The following CA11 variants were observed in gnomAD, a reference collection of about 807,000 sequenced individuals.
The protein encoded by CA11 is carbonic anhydrase-related protein 11.
In CA11, 20 loss-of-function variants were observed where a neutral mutation model predicts 39.3. The ratio of observed to expected loss-of-function variants is 0.51; its 90% CI spans 0.36 to 0.74. The LOEUF is 0.74. CA11 is among the 30% of genes least tolerant of loss of function. CA11 has a pLI of 0.00. For missense variants in CA11, 336 were observed against 424.6 expected, an observed-to-expected ratio of 0.79 and a Z score of 1.83; for synonymous variants, 166 against 172.5, an observed-to-expected ratio of 0.96 and a Z score of 0.29.
chr19:48,644,210 G>C (rs2031174563), intron 3 of CA11, among the ~76,000 whole-genome samples: 1 of 152,142 alleles, frequency 6.6e-6, no homozygotes, highest in African/African-American at 2.4e-5. Context: ...GAAATGTTCT[G>C]CTTTTCATTG....
At position 48,640,142 on chromosome 19, in the gene CA11, C is replaced by T. The variant is rs1273129062; in HGVS notation, c.424G>A (p.Gly142Arg). 5.0e-6 allele frequency: 8 copies of T among 1,613,996 alleles called. No individual in the cohort carries two copies. The South Asian group carries it at 7.7e-5, about 16-fold the overall frequency. ...ELRLLFGARD[G>R]AGSEHQINHQ... ...TTGATCTGATGTTCCGAGCCGGCTC[C>T]GTCGCGAGCTCCAAACAGCAGCCGC... is the stretch of plus-strand genomic sequence containing the variant. Residue 142 changes from glycine to arginine, a missense_variant, in exon 4 of 9, where the codon GGA becomes AGA. Gly to Arg is a moderately radical substitution (Grantham distance 125, BLOSUM62 -2). Transcript: ENST00000084798.
At chr19:48,645,312 G>A (rs551658222) in intron 2 of CA11, 91 bp downstream of exon 2, 84 of 1,142,258 alleles carry the variant, frequency 7.4e-5, no homozygotes, top group African/African-American at 6.1e-5. Context: ...CTGGTCCTGG[G>A]GGGGAGGAGG....
intron 2 of CA11, among the ~76,000 whole-genome samples, chr19:48,644,908 T>G (rs1367403390): frequency 6.6e-6 from 1 of 152,142 alleles, no homozygotes; most frequent in African/African-American, 2.4e-5. Context: ...CAAACCCATC[T>G]TAAGCCACTG....
chr19:48,639,591 G>T lies in CA11; in HGVS notation c.598C>A (p.Arg200Ser). 6.2e-7 allele frequency: 1 copy of T among 1,613,930 alleles called. No individual in the cohort carries two copies. The highest frequency in any genetic ancestry group is 1.1e-5 in the South Asian group (1 of 91,038). ...VASTSNPFLSRLLNRDTITRI... is the reference protein window; with the variant it reads ...VASTSNPFLSSLLNRDTITRI... ...GTGATGGTGTCGCGGTTAAGGAGGCGACTGAGGAATGGGTTAGAGGTACTG... is the reference window on the plus strand; with the variant it reads ...GTGATGGTGTCGCGGTTAAGGAGGCTACTGAGGAATGGGTTAGAGGTACTG... The change falls in exon 6 of 9, where the codon CGC becomes AGC. Residue 200 changes from arginine (R) to serine (S), a missense_variant. Arg to Ser is a moderately radical substitution (Grantham distance 110). Coordinates refer to ENST00000084798, the MANE Select transcript of CA11 (RefSeq NM_001217.5).
At position 48,643,082 on chromosome 19, in the gene CA11, G is replaced by A. The variant is rs933074091; in HGVS notation, c.285+1345C>T. On this transcript the variant is annotated intron_variant, in intron 3 of 8. Transcript: ENST00000084798. This position sits in a 1 kb window ranked among gnomAD's most constrained non-coding sequence, Gnocchi z 4.3. ...CCTCTACAAAAAACTTAAAAAGTTA[G>A]CCAAGCATACTGGCATGTGCCTGCA... Among the ~76,000 whole-genome samples the A allele has an allele frequency of 3.3e-5, 5 of 152,140 alleles. No individual in the cohort carries two copies. The highest frequency in any genetic ancestry group is 1.2e-4 in the African/African-American group (5 of 41,428).
At position 48,640,270 on chromosome 19, in the gene CA11, G is replaced by A. The variant is rs749498901; in HGVS notation, c.296C>T (p.Thr99Ile). Residue 99 changes from threonine to isoleucine, a missense_variant, in exon 4 of 9, where the codon ACC (threonine) becomes ATC (isoleucine). Coordinates refer to ENST00000084798, the MANE Select transcript of CA11 (RefSeq NM_001217.5). Reference protein sequence around the residue: ...LSTGGEKLRGTLYNTGRHVSF... With the variant: ...LSTGGEKLRGILYNTGRHVSF... Reference sequence around the variant, plus strand: ...GACATGTCGGCCGGTGTTGTACAAGGTTCCCCGGAGCTGTGGGAGAGGCGG... The same window carrying A: ...GACATGTCGGCCGGTGTTGTACAAGATTCCCCGGAGCTGTGGGAGAGGCGG... 4.3e-5 allele frequency: 69 copies of A among 1,613,380 alleles called. No individual in the cohort carries two copies. The highest frequency in any genetic ancestry group is 5.8e-5 in the Non-Finnish European group (69 of 1,179,856).
At position 48,644,418 on chromosome 19, in the gene CA11, G is replaced by GCCCCTTACCTTCTCTCCTC; in HGVS notation, c.275_285+8dup. Reference sequence around the variant, plus strand: ...TGGGTTCAATAGCTCCTCCCTCCAAGCCCCTTACCTTCTCTCCTCCAGTGC... The same window carrying GCCCCTTACCTTCTCTCCTC: ...TGGGTTCAATAGCTCCTCCCTCCAAGCCCCTTACCTTCTCTCCTCCCCCTTACCTTCTCTCCTCCAGTGC... On this transcript the variant is annotated intron_variant, in intron 3 of 8. Coordinates refer to ENST00000084798, the MANE Select transcript of CA11 (RefSeq NM_001217.5). The GCCCCTTACCTTCTCTCCTC allele has an allele frequency of 6.4e-7, 1 of 1,573,600 alleles. No homozygotes were observed.
chr19:48,645,753 G>A lies in CA11; in HGVS notation c.-121C>T. On this transcript the variant is annotated 5_prime_UTR_variant, in exon 1 of 9. Transcript: ENST00000084798. ...TCCAGCTTTCCTCTCCTCCCCACAG[G>A]GAGTCCCAGTTCCCCAAATGCCAAA... 1 of 767,124 alleles carries A rather than the reference G, an allele frequency of 1.3e-6. No homozygotes were observed. Among genetic ancestry groups the A allele is most frequent in the Non-Finnish European group, 2.0e-6 (1 of 510,532 alleles). The allele number at this position is 767,124 out of a possible 1,614,324, so 47.5% of individuals were successfully genotyped here. A position where few individuals can be genotyped will look rare whatever the true frequency, so the allele number is the denominator to read the frequency against.
chr19:48,638,478 T>C, intron 8 of CA11: 1 of 478,548 alleles, frequency 2.1e-6, no homozygotes, highest in Non-Finnish European at 3.0e-6. Flanking sequence ...GGGTTGTACC[T>C]TGTAGATTCT....
At chr19:48,641,145 AATTTTTGT>A (rs1282417018) in intron 3 of CA11, among the ~76,000 whole-genome samples, 1 of 151,308 alleles carries the variant, frequency 6.6e-6, no homozygotes, top group Non-Finnish European at 1.5e-5. Context: ...ACACCCAGCC[AATTTTTGT>A]ATTTTTAGTA....
At position 48,643,085 on chromosome 19, in the gene CA11, A is replaced by C. The variant is rs2031137711; in HGVS notation, c.285+1342T>G. Among the ~76,000 whole-genome samples the C allele has an allele frequency of 6.6e-6, 1 of 152,140 alleles. No individual in the cohort carries two copies. Among genetic ancestry groups the C allele is most frequent in the Non-Finnish European group, 1.5e-5 (1 of 68,024 alleles). On this transcript the variant is annotated intron_variant, in intron 3 of 8. Coordinates refer to ENST00000084798, the MANE Select transcript of CA11 (RefSeq NM_001217.5). This position sits in a 1 kb window ranked among gnomAD's most constrained non-coding sequence, Gnocchi z 4.3. ...CTACAAAAAACTTAAAAAGTTAGCC[A>C]AGCATACTGGCATGTGCCTGCAGTC...
intron 2 of CA11, 33 bp downstream of exon 2, chr19:48,645,370 G>T (rs1227670862): frequency 1.3e-6 from 2 of 1,549,950 alleles, no homozygotes; most frequent in Non-Finnish European, 1.7e-6. Context: ...GCGCCGGGAG[G>T]GCCGGACTCC....
chr19:48,640,991 T>C (rs1228783724), intron 3 of CA11, among the ~76,000 whole-genome samples: 1 of 148,076 alleles, frequency 6.8e-6, no homozygotes, highest in African/African-American at 2.5e-5. Context: ...TTTGTTTTTT[T>C]TTTTTTTAAA....
At chr19:48,641,690 G>T (rs1054660102) in intron 3 of CA11, among the ~76,000 whole-genome samples, 1 of 151,986 alleles carries the variant, frequency 6.6e-6, no homozygotes, top group Non-Finnish European at 1.5e-5. Context: ...TGGCACCCAG[G>T]CTAGATTGCA....
At chr19:48,642,185 T>C (rs1027455296) in intron 3 of CA11, among the ~76,000 whole-genome samples, 2 of 152,174 alleles carry the variant, frequency 1.3e-5, no homozygotes, top group Admixed American at 6.5e-5. Flanking sequence ...GTAGAGAGTT[T>C]TGTATTTTTA....
At chr19:48,641,683 C>T (rs1409757029) in intron 3 of CA11, among the ~76,000 whole-genome samples, 1 of 152,004 alleles carries the variant, frequency 6.6e-6, no homozygotes, top group Non-Finnish European at 1.5e-5. Context: ...CTCATTCTGG[C>T]ACCCAGGCTA....
intron 7 of CA11, 94 bp from the exon 8 acceptor site, chr19:48,639,147 G>T (rs2030974299): frequency 1.9e-5 from 30 of 1,555,748 alleles, no homozygotes; most frequent in Non-Finnish European, 2.5e-5. Context: ...CAGGTGGGCG[G>T]GGTCTGTTCT....
chr19:48,638,051 T>G lies in CA11; in HGVS notation c.*68A>C. The G allele has an allele frequency of 8.4e-7, 1 of 1,190,316 alleles. No homozygotes were observed. The highest frequency in any genetic ancestry group is 1.1e-6 in the Non-Finnish European group (1 of 873,620). The allele number at this position is 1,190,316 out of a possible 1,614,324, so 73.7% of individuals were successfully genotyped here. ...ATTCTGTCCCTTTAATAGCTTTGTT[T>G]TAGGGGTAACTCCCCTCGCCTTGTG... On this transcript the variant is annotated 3_prime_UTR_variant, in exon 9 of 9. Coordinates refer to ENST00000084798, the MANE Select transcript of CA11 (RefSeq NM_001217.5).
intron 2 of CA11, among the ~76,000 whole-genome samples, chr19:48,644,821 CT>C: frequency 6.6e-6 from 1 of 152,228 alleles, no homozygotes; most frequent in East Asian, 1.9e-4. Context: ...TCTTGAACTC[CT>C]GACCACAGGT....
Sources: gnomAD v4.1 joint callset for allele counts (sites outside exome capture counted in the v4.1 genomes callset) on GRCh38, gnomAD v4.1.1 for gene constraint, Gnocchi (gnomAD v3.1) non-coding constraint, MANE v1.5 for transcripts, NCBI Gene and HGNC (gene_info 2026-07-23, HGNC 2026-07-21) for gene names.